HMGCLL1: variants seen among roughly 807,000 people sequenced by gnomAD.
The protein encoded by HMGCLL1 is 3-hydroxymethyl-3-methylglutaryl-CoA lyase, cytoplasmic.
A neutral mutation model predicts 39.1 loss-of-function variants in HMGCLL1; 36 were observed. The observed-to-expected ratio is 0.92, with a 90% CI of 0.71 to 1.22. The LOEUF is 1.22. HMGCLL1 is among the 50% of genes most tolerant of loss of function. The probability of loss-of-function intolerance (pLI) is 0.00; values close to 1 mark genes in which losing one functional copy is unlikely to be tolerated. For synonymous variants in HMGCLL1, 149 were observed against 144.0 expected (o/e 1.03, Z -0.25); for missense variants, 451 against 416.5 (o/e 1.08, Z -0.72).
At chr6:55,492,262 A>C (rs952535595) in intron 7 of HMGCLL1, among the ~76,000 whole-genome samples, 1 of 152,202 alleles carries the variant, frequency 6.6e-6, no homozygotes, top group Non-Finnish European at 1.5e-5. Flanking sequence ...GGCCCTGTTC[A>C]TAGTGAAGTT....
chr6:55,447,847 G>C (rs1763922800), intron 7 of HMGCLL1, among the ~76,000 whole-genome samples: 2 of 152,152 alleles, frequency 1.3e-5, no homozygotes, highest in Non-Finnish European at 2.9e-5. Context: ...TGCAAATCCA[G>C]GTTTAACAAC....
chr6:55,466,139 C>T (rs1764788711), intron 7 of HMGCLL1, among the ~76,000 whole-genome samples: 1 of 151,988 alleles, frequency 6.6e-6, no homozygotes, highest in East Asian at 1.9e-4. Flanking sequence ...CCCTACAAGC[C>T]TCTATGGGAA....
intron 3 of HMGCLL1, among the ~76,000 whole-genome samples, chr6:55,528,641 G>GTT (rs5876457): frequency 0.54 from 80,768 of 149,042 alleles, 21,639 homozygotes; most frequent in Admixed American, 0.62. Flanking sequence ...TGAACATCCA[G>GTT]TTTTTTTTTT....
At chr6:55,610,644 A>G in the HMGCLL1 span, among the ~76,000 whole-genome samples, 1 of 152,180 alleles carries the variant, frequency 6.6e-6, no homozygotes, top group South Asian at 2.1e-4. Context: ...TCCCCAACCT[A>G]GCAAGAAAGG....
At chr6:55,653,102 C>A in the HMGCLL1 span, among the ~76,000 whole-genome samples, 1 of 152,004 alleles carries the variant, frequency 6.6e-6, no homozygotes, top group African/African-American at 2.4e-5. Context: ...AACTTGATTT[C>A]TAAATTCCAT....
At chr6:55,642,767 A>AT in the HMGCLL1 span, among the ~76,000 whole-genome samples, 17 of 151,892 alleles carry the variant, frequency 1.1e-4, no homozygotes, top group South Asian at 2.1e-4. Context: ...TCCAATAATT[A>AT]TTTTTTCTGA....
the HMGCLL1 span, among the ~76,000 whole-genome samples, chr6:55,652,125 C>T: frequency 3.9e-5 from 6 of 151,986 alleles, no homozygotes; most frequent in Non-Finnish European, 7.4e-5. Flanking sequence ...TTTGGAGTTC[C>T]GTGGTCACGG....
chr6:55,578,118 C>T (rs1376262152), intron 1 of HMGCLL1, among the ~76,000 whole-genome samples: 3 of 152,094 alleles, frequency 2.0e-5, no homozygotes, highest in Admixed American at 6.5e-5. Flanking sequence ...GTTCACTAGT[C>T]GAATCAGAAA....
chr6:55,559,402 C>G (rs1003118742), intron 1 of HMGCLL1, among the ~76,000 whole-genome samples: 7 of 152,184 alleles, frequency 4.6e-5, no homozygotes, highest in Non-Finnish European at 1.0e-4. Flanking sequence ...AGGTAAAACT[C>G]TGCTGCCATC....
the HMGCLL1 span, among the ~76,000 whole-genome samples, chr6:55,624,433 C>T: frequency 2.6e-5 from 4 of 152,204 alleles, no homozygotes; most frequent in African/African-American, 9.6e-5. Flanking sequence ...GTCCATAAGG[C>T]CCACCAAAAG....
At chr6:55,556,878 C>A (rs1770706123) in intron 1 of HMGCLL1, among the ~76,000 whole-genome samples, 1 of 152,162 alleles carries the variant, frequency 6.6e-6, no homozygotes, top group African/African-American at 2.4e-5. Flanking sequence ...GCGTACCTTA[C>A]ATCTTGATTT....
chr6:55,612,671 G>T, the HMGCLL1 span, among the ~76,000 whole-genome samples: 3 of 152,070 alleles, frequency 2.0e-5, no homozygotes, highest in Non-Finnish European at 4.4e-5. Context: ...TCTGATCTTT[G>T]ACAAACCTGA....
chr6:55,437,811 C>T (rs1763431703), intron 8 of HMGCLL1, among the ~76,000 whole-genome samples: 1 of 151,880 alleles, frequency 6.6e-6, no homozygotes, highest in Admixed American at 6.6e-5. Flanking sequence ...GATGAACACC[C>T]AGGAAAGAGA....
the HMGCLL1 span, among the ~76,000 whole-genome samples, chr6:55,656,809 T>C: frequency 6.6e-6 from 1 of 152,010 alleles, no homozygotes; most frequent in Admixed American, 6.6e-5. Context: ...CTGAGGTTTC[T>C]GTGTTGAGAC....
intron 1 of HMGCLL1, among the ~76,000 whole-genome samples, chr6:55,549,400 G>GTGTGTC (rs1554158167): frequency 3.3e-5 from 5 of 151,520 alleles, no homozygotes; most frequent in Non-Finnish European, 7.4e-5. Context: ...GTGTGTGTGT[G>GTGTGTC]TGTGTGTCTG....
intron 6 of HMGCLL1, among the ~76,000 whole-genome samples, chr6:55,497,182 A>C (rs1172960339): frequency 1.3e-5 from 2 of 152,116 alleles, no homozygotes; most frequent in Non-Finnish European, 2.9e-5. Context: ...TCTGAATTTA[A>C]ATCTCAGCTC....
chr6:55,554,312 G>A (rs1383150405), intron 1 of HMGCLL1, among the ~76,000 whole-genome samples: 1 of 152,010 alleles, frequency 6.6e-6, no homozygotes, highest in Non-Finnish European at 1.5e-5. Context: ...GAGTTTCTTT[G>A]TAACTTCAAA....
chr6:55,650,076 TACACAC>T, the HMGCLL1 span, among the ~76,000 whole-genome samples: 8 of 97,036 alleles, frequency 8.2e-5, no homozygotes, highest in Admixed American at 3.5e-4. Context: ...TATATATATA[TACACAC>T]ACATATACAT....
intron 3 of HMGCLL1, among the ~76,000 whole-genome samples, chr6:55,536,702 G>A (rs1769053677): frequency 6.6e-6 from 1 of 151,866 alleles, no homozygotes; most frequent in African/African-American, 2.4e-5. Context: ...ATTTTTTAAT[G>A]ACAGGTATTT....
Sources: gnomAD v4.1 joint callset for allele counts (sites outside exome capture counted in the v4.1 genomes callset) on GRCh38, gnomAD v4.1.1 for gene constraint, MANE v1.5 for transcripts, NCBI Gene and HGNC (gene_info 2026-07-23, HGNC 2026-07-21) for gene names.